Variants in STRIP2 observed in about 807,000 individuals in gnomAD.
The protein encoded by STRIP2 is striatin interacting protein 2.
STRIP2 carries 84 observed loss-of-function variants against 107.1 expected under a neutral mutation model. The observed-to-expected ratio is 0.78, with a 90% CI of 0.66 to 0.94. The LOEUF (loss-of-function observed/expected upper bound fraction) is 0.94, where lower values mean the gene tolerates loss of function less well. Among genes scored for constraint, STRIP2 ranks in the 40% least tolerant of loss-of-function variants. STRIP2 has a pLI of 0.00. For synonymous variants in STRIP2, 394 were observed against 400.4 expected (o/e 0.98, Z 0.19); for missense variants, 888 against 1,034.2 (o/e 0.86, Z 1.94).
chr7:129,459,392 G>A, intron 11 of STRIP2, 125 bp from the exon 12 acceptor site: 1 of 789,846 alleles, frequency 1.3e-6, no homozygotes, highest in Non-Finnish European at 2.3e-6. Context: ...GCAGAGGAAG[G>A]TCTAGGGTAC....
intron 5 of STRIP2, among the ~76,000 whole-genome samples, chr7:129,453,566 C>T (rs547502764): frequency 5.9e-5 from 9 of 152,334 alleles, no homozygotes; most frequent in African/African-American, 1.9e-4. Context: ...GCTTCTGCCT[C>T]ACTTACAGCT....
intron 19 of STRIP2, among the ~76,000 whole-genome samples, chr7:129,481,295 G>A (rs970374968): frequency 8.6e-5 from 13 of 151,290 alleles, no homozygotes; most frequent in African/African-American, 2.7e-4. Flanking sequence ...TCAGGAGTTC[G>A]AGACCAGCCT....
chr7:129,446,374 C>T (rs1226082843), intron 3 of STRIP2, among the ~76,000 whole-genome samples: 1 of 152,202 alleles, frequency 6.6e-6, no homozygotes, highest in Non-Finnish European at 1.5e-5. Flanking sequence ...ACCAATTTTC[C>T]AATCATGCTT....
At position 129,458,597 on chromosome 7, in the gene STRIP2, CT is replaced by C. The variant is rs901493280; in HGVS notation, c.1275-110del. 14 of 1,325,740 alleles carry C rather than the reference CT, an allele frequency of 1.1e-5. No individual in the cohort carries two copies. The highest frequency in any genetic ancestry group is 1.4e-5 in the Non-Finnish European group (13 of 944,458). 82.1% of individuals were successfully genotyped at this position (1,325,740 alleles called of 1,614,324 possible). A position where few individuals can be genotyped will look rare whatever the true frequency, so the allele number is the denominator to read the frequency against. On this transcript the variant is annotated intron_variant, in intron 10 of 20. Transcript: ENST00000249344. This position sits in a 1 kb window ranked among gnomAD's most constrained non-coding sequence, Gnocchi z 4.6. ...TGAAATTCCTTCTGTTGATTGCTGC[CT>C]TTTTCCACTGCTCCAGTCCTCTGAT...
At chr7:129,469,446 C>A (rs149508869) in intron 17 of STRIP2, among the ~76,000 whole-genome samples, 1 of 152,298 alleles carries the variant, frequency 6.6e-6, no homozygotes, top group Non-Finnish European at 1.5e-5. Flanking sequence ...ACAAATCTAT[C>A]TTTGATTTCC....
intron 3 of STRIP2, among the ~76,000 whole-genome samples, chr7:129,445,453 A>G (rs767081037): frequency 4.6e-5 from 7 of 151,984 alleles, no homozygotes; most frequent in Non-Finnish European, 8.8e-5. Context: ...GCAGAACGTA[A>G]TGTCACGGGA....
chr7:129,480,343 TAA>T (rs893778972), intron 18 of STRIP2, among the ~76,000 whole-genome samples: 3 of 151,580 alleles, frequency 2.0e-5, no homozygotes, highest in African/African-American at 7.3e-5. Flanking sequence ...GTTGATAAGA[TAA>T]AAAAAAATTC....
chr7:129,442,760 C>T (rs1353280795), intron 2 of STRIP2, among the ~76,000 whole-genome samples: 2 of 152,156 alleles, frequency 1.3e-5, no homozygotes, highest in Admixed American at 1.3e-4. Context: ...GAACTTAAGA[C>T]TCAAAAGCCC....
At chr7:129,443,041 C>CTT (rs35651639) in intron 2 of STRIP2, among the ~76,000 whole-genome samples, 55 of 141,554 alleles carry the variant, frequency 3.9e-4, no homozygotes, top group East Asian at 8.2e-4. Context: ...TTCTTTCTTT[C>CTT]TTTTTTTTTT....
At chr7:129,484,006 A>T (rs1799188420) in intron 20 of STRIP2, among the ~76,000 whole-genome samples, 1 of 152,128 alleles carries the variant, frequency 6.6e-6, no homozygotes, top group Non-Finnish European at 1.5e-5. Context: ...CTGGCCTCCC[A>T]AAGTGCTGGG....
At chr7:129,453,038 C>T (rs1350957194) in intron 4 of STRIP2, among the ~76,000 whole-genome samples, 189 bp from the exon 5 acceptor site, 1 of 152,138 alleles carries the variant, frequency 6.6e-6, no homozygotes, top group Non-Finnish European at 1.5e-5. Flanking sequence ...GCACATTGGA[C>T]CTAACCCTGG....
At position 129,483,256 on chromosome 7, in the gene STRIP2, C is replaced by T. The variant is rs190715458; in HGVS notation, c.2254+210C>T. 185 of 1,251,000 alleles carry T rather than the reference C, an allele frequency of 1.5e-4. No individual in the cohort carries two copies. The highest frequency in any genetic ancestry group is 1.7e-4 in the Non-Finnish European group (174 of 997,314). 77.5% of individuals were successfully genotyped at this position (1,251,000 alleles called of 1,614,324 possible). ...TTGTCCTATGTAAACTATGAAAATC[C>T]GTTTTATAAAACAAGTAAATTGAGA... On this transcript the variant is annotated intron_variant, in intron 20 of 20. Coordinates refer to ENST00000249344, the MANE Select transcript of STRIP2 (RefSeq NM_020704.3). The surrounding 1 kb of genome is among the most constrained non-coding windows in gnomAD (Gnocchi z 5.1).
rs1308930776 is a variant in STRIP2, at chr7:129,473,016, G to A, written c.1944+2301G>A. ...TGGCCAGGCTGGTCTCGAACTCCTG[G>A]TCTCAGATGATCCACCTGCCTCAGC... On this transcript the variant is annotated intron_variant, in intron 18 of 20. Coordinates refer to ENST00000249344, the MANE Select transcript of STRIP2 (RefSeq NM_020704.3). 2.6e-5 allele frequency among the ~76,000 whole-genome samples: 4 copies of A among 151,538 alleles called. No homozygotes were observed. The East Asian group carries it at 7.8e-4, about 29-fold the overall frequency.
At chr7:129,446,043 G>A (rs1029561632) in intron 3 of STRIP2, among the ~76,000 whole-genome samples, 2 of 152,174 alleles carry the variant, frequency 1.3e-5, no homozygotes, top group African/African-American at 4.8e-5. Flanking sequence ...GGTCTCTGCT[G>A]CTAGCAAATT....
rs894060279 is a variant in STRIP2 at position 129,434,643 on chromosome 7, C to A, written c.129+42C>A. Reference sequence around the variant, plus strand: ...GCTTCGGCTGGGGCCCGGAGACGCCCGCCGGCGGGAAGCGGCGGCTGAGGT... The same window carrying A: ...GCTTCGGCTGGGGCCCGGAGACGCCAGCCGGCGGGAAGCGGCGGCTGAGGT... On this transcript the variant is annotated intron_variant, in intron 1 of 20. Transcript: ENST00000249344. The A allele has an allele frequency of 3.5e-6, 5 of 1,436,054 alleles. No homozygotes were observed. In the African/African-American group the frequency reaches 6.0e-5, roughly 17 times the overall value. 89.0% of individuals were successfully genotyped at this position (1,436,054 alleles called of 1,614,324 possible). A position where few individuals can be genotyped will look rare whatever the true frequency, so the allele number is the denominator to read the frequency against.
rs569854698 is a variant in STRIP2 at position 129,454,503 on chromosome 7, C to G, written c.682C>G (p.Arg228Gly). The G allele has an allele frequency of 6.2e-7, 1 of 1,613,628 alleles. No individual in the cohort carries two copies. The change falls in exon 7 of 21, where the codon CGG (arginine) becomes GGG (glycine). Residue 228 changes from arginine to glycine, a missense_variant. Physicochemically the swap from Arg to Gly is moderately radical, Grantham distance 125. Coordinates refer to ENST00000249344, the MANE Select transcript of STRIP2 (RefSeq NM_020704.3). Reference sequence around the variant, plus strand: ...AGACCCCTGTGGGTGGAGAACAGCCCGGGAGACCTTCCGCACTGAATTAAG... The same window carrying G: ...AGACCCCTGTGGGTGGAGAACAGCCGGGGAGACCTTCCGCACTGAATTAAG... ...ETDPCGWRTARETFRTELSFS... is the reference protein window; with the variant it reads ...ETDPCGWRTAGETFRTELSFS...
At chr7:129,457,335 C>G (rs1226583117) in intron 9 of STRIP2, among the ~76,000 whole-genome samples, 1 of 152,184 alleles carries the variant, frequency 6.6e-6, no homozygotes, top group African/African-American at 2.4e-5. Flanking sequence ...CAATTGTAAC[C>G]CAATGGTGTT....
chr7:129,455,125 T>C (rs1798307482), intron 7 of STRIP2, 119 bp from the exon 8 acceptor site: 1 of 1,253,460 alleles, frequency 8.0e-7, no homozygotes, highest in East Asian at 2.6e-5. Context: ...GACCAAGTAC[T>C]CTGGTATTCT....
At chr7:129,478,020 C>T in intron 18 of STRIP2, 2 of 437,184 alleles carry the variant, frequency 4.6e-6, no homozygotes, top group South Asian at 1.8e-5. Context: ...GTGGAGATGG[C>T]AACCAGCGGG....
Sources: allele counts gnomAD v4.1 joint callset (sites outside exome capture counted in the v4.1 genomes callset), GRCh38; gene constraint gnomAD v4.1.1; non-coding constraint Gnocchi (gnomAD v3.1); transcripts MANE v1.5; gene names NCBI Gene and HGNC (gene_info 2026-07-23, HGNC 2026-07-21).